Variants in ELL2 observed in about 807,000 individuals in gnomAD.
ELL2 encodes the protein elongation factor for RNA polymerase II 2.
Under a neutral mutation model 72.8 loss-of-function variants are expected in ELL2, and 21 were observed. The ratio of observed to expected loss-of-function variants is 0.29; its 90% CI spans 0.20 to 0.42. The LOEUF (loss-of-function observed/expected upper bound fraction) is 0.42, where lower values mean the gene tolerates loss of function less well. Ranked by LOEUF, ELL2 falls within the 10% of genes least tolerant of loss-of-function variation. The pLI is 1.00. For synonymous variants in ELL2, 266 were observed against 283.2 expected (o/e 0.94, Z 0.61); for missense variants, 568 against 772.8 (o/e 0.73, Z 3.14).
At position 95,885,944 on chromosome 5, in the gene ELL2, T is replaced by C. The variant is rs567945916; in HGVS notation, c.*2927A>G. ...CTATATATTTTAAAAAGCCCACATC[T>C]AGTTAATGTTCTCTTAGTTTGTTTT... On this transcript the variant is annotated 3_prime_UTR_variant, in exon 12 of 12. Transcript: ENST00000237853. 2 of 152,350 alleles carry C rather than the reference T, an allele frequency of 1.3e-5. No individual in the cohort carries two copies. The highest frequency in any genetic ancestry group is 4.1e-4 in the South Asian group (2 of 4,828). 9.4% of individuals were successfully genotyped at this position (152,350 alleles called of 1,614,324 possible).
intron 8 of ELL2, 84 bp downstream of exon 8, chr5:95,898,156 T>C (rs2112275565): frequency 1.7e-6 from 2 of 1,178,456 alleles, no homozygotes; most frequent in Non-Finnish European, 2.4e-6. Flanking sequence ...GAAACGTCAT[T>C]TGCTAAAGAA....
chr5:95,913,763 A>G lies in ELL2; in HGVS notation c.481+8T>C. 3 of 1,598,246 alleles carry G rather than the reference A, an allele frequency of 1.9e-6. No individual in the cohort carries two copies. Among genetic ancestry groups the G allele is most frequent in the Non-Finnish European group, 1.7e-6 (2 of 1,173,506 alleles). ...ATCAGCAAGAGGAAGAAAGATATCT[A>G]TACAAACCTACATATGGTCCACCGG... On this transcript the variant is annotated splice_region_variant and intron_variant, in intron 4 of 11. Coordinates refer to ENST00000237853, the MANE Select transcript of ELL2 (RefSeq NM_012081.6).
chr5:95,899,595 A>G (rs1749053659), intron 7 of ELL2, among the ~76,000 whole-genome samples: 1 of 152,234 alleles, frequency 6.6e-6, no homozygotes. Flanking sequence ...ATAGTATTTA[A>G]GTTAAAAAGG....
chr5:95,961,764 T>C lies in ELL2; in HGVS notation c.-43A>G, dbSNP rs1220880494. 6.5e-7 allele frequency: 1 copy of C among 1,548,076 alleles called. No homozygotes were observed. The highest frequency in any genetic ancestry group is 2.4e-5 in the East Asian group (1 of 41,190). On this transcript the variant is annotated 5_prime_UTR_variant, in exon 1 of 12. An upstream open reading frame in the 5' UTR loses its in-frame stop. Transcript: ENST00000237853. Reference sequence around the variant, plus strand: ...GCCGCCGCCGCCGCCGCTCCGGCTCTAGCCTCCACTGCGGCCGCGGCTGCT... The same window carrying C: ...GCCGCCGCCGCCGCCGCTCCGGCTCCAGCCTCCACTGCGGCCGCGGCTGCT...
chr5:95,938,156 G>A (rs891866310), intron 2 of ELL2, among the ~76,000 whole-genome samples: 1 of 152,108 alleles, frequency 6.6e-6, no homozygotes, highest in Non-Finnish European at 1.5e-5. Context: ...ATAAAAAAAC[G>A]AGAAGAAAAA....
At chr5:95,900,427 T>C in intron 7 of ELL2, 2 of 266,902 alleles carry the variant, frequency 7.5e-6, no homozygotes, top group Non-Finnish European at 1.4e-5. Flanking sequence ...GGAAAGTAGA[T>C]AATCTTACAA....
At chr5:95,896,831 C>A (rs144333311) in intron 8 of ELL2, among the ~76,000 whole-genome samples, 1 of 152,224 alleles carries the variant, frequency 6.6e-6, no homozygotes, top group Non-Finnish European at 1.5e-5. Context: ...ACTCTGAGAA[C>A]ACTTGGAACT....
rs1748513836 is a variant in ELL2, at chr5:95,887,814, A to G, written c.*1057T>C. On this transcript the variant is annotated 3_prime_UTR_variant, in exon 12 of 12. Transcript: ENST00000237853. The stretch of plus-strand genomic sequence containing the variant: ...CAAAAAATACTTTATAGCAGTATAT[A>G]AATAGGTTACCTACACATTTCATTT... The G allele has an allele frequency of 6.6e-6, 1 of 152,500 alleles. No individual in the cohort carries two copies. The highest frequency in any genetic ancestry group is 2.1e-4 in the South Asian group (1 of 4,834). The allele number at this position is 152,500 out of a possible 1,614,324, so 9.4% of individuals were successfully genotyped here.
intron 2 of ELL2, among the ~76,000 whole-genome samples, chr5:95,932,970 C>A (rs2112334842): frequency 6.6e-6 from 1 of 152,262 alleles, no homozygotes; most frequent in South Asian, 2.1e-4. Flanking sequence ...CCTAGCAATA[C>A]CAGATGGAGA....
intron 2 of ELL2, among the ~76,000 whole-genome samples, chr5:95,938,266 T>C (rs368226744): frequency 6.6e-6 from 1 of 152,202 alleles, no homozygotes; most frequent in Non-Finnish European, 1.5e-5. Context: ...CGGAAGGTCA[T>C]TGTGCCTTTT....
At chr5:95,948,455 C>CAAAAAAAAAA (rs1751259046) in intron 1 of ELL2, among the ~76,000 whole-genome samples, 1 of 93,742 alleles carries the variant, frequency 1.1e-5, no homozygotes, top group Admixed American at 9.9e-5. Flanking sequence ...AAAAAAAAAG[C>CAAAAAAAAAA]CACAGGAAGA....
intron 5 of ELL2, among the ~76,000 whole-genome samples, chr5:95,905,539 G>A (rs79386097): frequency 0.055 from 8,348 of 152,040 alleles, 702 homozygotes; most frequent in East Asian, 0.42. Flanking sequence ...TGTGACATAT[G>A]GATTTAAATT....
At chr5:95,927,462 T>C (rs1399692021) in intron 2 of ELL2, among the ~76,000 whole-genome samples, 1 of 37,724 alleles carries the variant, frequency 2.7e-5, no homozygotes, top group Non-Finnish European at 4.4e-5. Flanking sequence ...CACACACACG[T>C]GTGTATATAG....
intron 5 of ELL2, among the ~76,000 whole-genome samples, chr5:95,905,462 T>C (rs986703136): frequency 2.6e-5 from 4 of 151,440 alleles, no homozygotes; most frequent in African/African-American, 9.8e-5. Context: ...CTTCTCCAGA[T>C]ATCAAACTGA....
intron 7 of ELL2, among the ~76,000 whole-genome samples, chr5:95,900,058 G>T (rs1191581351): frequency 6.6e-6 from 1 of 152,086 alleles, no homozygotes; most frequent in Non-Finnish European, 1.5e-5. Context: ...CCCACTGTCT[G>T]TCAAAAGCAC....
intron 9 of ELL2, among the ~76,000 whole-genome samples, chr5:95,892,344 G>A (rs886072885): frequency 1.2e-4 from 18 of 151,974 alleles, no homozygotes; most frequent in African/African-American, 2.9e-4. Context: ...ACAGGGTTTC[G>A]TCATGTTGCC....
chr5:95,961,849 A>G lies in ELL2; in HGVS notation c.-128T>C. ...TCCCGCTGCTGACGTACTGTCATAT[A>G]CTGCGCGGAGCCAGACCTCGGACTG... On this transcript the variant is annotated 5_prime_UTR_variant, in exon 1 of 12. Coordinates refer to ENST00000237853, the MANE Select transcript of ELL2 (RefSeq NM_012081.6). The G allele has an allele frequency of 4.0e-6, 5 of 1,241,820 alleles. 1 individual carries two copies. The South Asian group carries it at 8.6e-5, about 21-fold the overall frequency. 76.9% of individuals were successfully genotyped at this position (1,241,820 alleles called of 1,614,324 possible).
At chr5:95,919,679 C>T (rs1561500630) in intron 2 of ELL2, 134 bp from the exon 3 acceptor site, 4 of 982,304 alleles carry the variant, frequency 4.1e-6, no homozygotes, top group Non-Finnish European at 5.7e-6. Flanking sequence ...ATCCTCGCAG[C>T]ATTTAAATGA....
intron 1 of ELL2, among the ~76,000 whole-genome samples, chr5:95,950,431 G>A (rs767179267): frequency 2.6e-5 from 4 of 152,202 alleles, no homozygotes; most frequent in Non-Finnish European, 4.4e-5. Flanking sequence ...GTTAAAAGCA[G>A]AAAATAGCAC....
Sources: allele counts gnomAD v4.1 joint callset (sites outside exome capture counted in the v4.1 genomes callset), GRCh38; gene constraint gnomAD v4.1.1; transcripts MANE v1.5; gene names NCBI Gene and HGNC (gene_info 2026-07-23, HGNC 2026-07-21).